The following FOXO3 variants were observed in gnomAD, a reference collection of about 807,000 sequenced individuals.
The protein encoded by FOXO3 is forkhead box protein O3.
A neutral mutation model predicts 41.9 loss-of-function variants in FOXO3; 4 were observed. That is an observed-to-expected ratio of 0.10 (90% CI 0.05 to 0.22). The LOEUF is 0.22. Ranked by LOEUF, FOXO3 falls within the 10% of genes least tolerant of loss-of-function variation. The pLI, the probability that FOXO3 is intolerant of heterozygous loss-of-function variation, is 1.00. For missense variants in FOXO3, 534 were observed against 906.8 expected (o/e 0.59, Z 5.28); for synonymous variants, 318 against 389.3 (o/e 0.82, Z 2.16).
chr6:108,588,105 G>T (rs1395617487), intron 1 of FOXO3, among the ~76,000 whole-genome samples: 1 of 152,232 alleles, frequency 6.6e-6, no homozygotes, highest in Non-Finnish European at 1.5e-5. Context: ...TCTAAGTTCT[G>T]TGATAATCTG....
chr6:108,673,421 C>T (rs1655694747), intron 2 of FOXO3, among the ~76,000 whole-genome samples: 2 of 152,236 alleles, frequency 1.3e-5, no homozygotes, highest in Non-Finnish European at 2.9e-5. Flanking sequence ...CCCTGGAGTT[C>T]CTCTCAGTTC....
chr6:108,575,048 G>A (rs1776225048), intron 1 of FOXO3, among the ~76,000 whole-genome samples: 1 of 152,090 alleles, frequency 6.6e-6, no homozygotes, highest in South Asian at 2.1e-4. Context: ...ACTTTTAAAG[G>A]GACAACTCTG....
intron 1 of FOXO3, among the ~76,000 whole-genome samples, chr6:108,578,293 A>C (rs776555972): frequency 1.1e-4 from 16 of 152,012 alleles, no homozygotes; most frequent in Non-Finnish European, 1.6e-4. Flanking sequence ...GTTCAGAACC[A>C]CTCTTTTAAA....
intron 1 of FOXO3, among the ~76,000 whole-genome samples, chr6:108,661,547 A>G (rs1778865501): frequency 6.6e-6 from 1 of 152,140 alleles, no homozygotes; most frequent in Non-Finnish European, 1.5e-5. Context: ...TCTCTCCACC[A>G]TGGACTCTGT....
chr6:108,590,622 C>G (rs1776709244), intron 1 of FOXO3, among the ~76,000 whole-genome samples: 1 of 152,062 alleles, frequency 6.6e-6, no homozygotes, highest in Non-Finnish European at 1.5e-5. Context: ...ATCTGAAACA[C>G]TTCCAGGTAA....
intron 1 of FOXO3, among the ~76,000 whole-genome samples, chr6:108,594,331 T>C (rs1776814647): frequency 6.6e-6 from 1 of 151,934 alleles, no homozygotes; most frequent in Non-Finnish European, 1.5e-5. Flanking sequence ...TTAGGGAGAG[T>C]TGTAGAATAA....
chr6:108,636,945 G>A (rs1400474332), intron 1 of FOXO3, among the ~76,000 whole-genome samples: 8 of 152,094 alleles, frequency 5.3e-5, no homozygotes, highest in African/African-American at 1.9e-4. Flanking sequence ...CCCCTGTTCC[G>A]AATAAGGAGG....
At chr6:108,597,766 AG>A (rs774014848) in intron 1 of FOXO3, among the ~76,000 whole-genome samples, 32 of 152,340 alleles carry the variant, frequency 2.1e-4, no homozygotes, top group Non-Finnish European at 3.7e-4. Context: ...TGAGGTAGCC[AG>A]AGAGCTATTT....
intron 1 of FOXO3, among the ~76,000 whole-genome samples, chr6:108,609,253 C>G (rs776926115): frequency 2.9e-4 from 44 of 152,178 alleles, no homozygotes; most frequent in Non-Finnish European, 4.7e-4. Context: ...TGAATTGTCA[C>G]GTCACTTCCA....
intron 1 of FOXO3, among the ~76,000 whole-genome samples, chr6:108,589,619 G>A (rs531205700): frequency 1.3e-5 from 2 of 152,332 alleles, no homozygotes; most frequent in Admixed American, 1.3e-4. Context: ...CCTAGCCCAG[G>A]GGTGGAACCT....
chr6:108,580,524 G>C (rs993706293), intron 1 of FOXO3, among the ~76,000 whole-genome samples: 3 of 152,182 alleles, frequency 2.0e-5, no homozygotes, highest in African/African-American at 7.2e-5. Flanking sequence ...ACTGAGGTAC[G>C]AAACGGCTAA....
In FOXO3 at chr6:108,680,660, G is replaced by C. The variant is rs1464814993; in HGVS notation, c.*868G>C. The C allele has an allele frequency of 6.7e-6, 1 of 150,116 alleles. No homozygotes were observed. Among genetic ancestry groups the C allele is most frequent in the Non-Finnish European group, 1.5e-5 (1 of 67,718 alleles). The allele number at this position is 150,116 out of a possible 1,614,324, so 9.3% of individuals were successfully genotyped here. A position where few individuals can be genotyped will look rare whatever the true frequency, so the allele number is the denominator to read the frequency against. ...GTGTTGGTCTGCTGGTTAGAAACTAGAATATTGATATTTTCAGGAAAGAAA... is the reference window on the plus strand; with the variant it reads ...GTGTTGGTCTGCTGGTTAGAAACTACAATATTGATATTTTCAGGAAAGAAA... On this transcript the variant is annotated 3_prime_UTR_variant, in exon 3 of 3. Coordinates refer to ENST00000406360, the MANE Select transcript of FOXO3 (RefSeq NM_001455.4).
intron 1 of FOXO3, among the ~76,000 whole-genome samples, chr6:108,595,340 C>G (rs1426469095): frequency 6.6e-6 from 1 of 152,196 alleles, no homozygotes; most frequent in Non-Finnish European, 1.5e-5. Flanking sequence ...TGTGACCTCT[C>G]CCTTCTTCAG....
intron 1 of FOXO3, among the ~76,000 whole-genome samples, chr6:108,633,516 G>A (rs60993310): frequency 0.042 from 6,364 of 152,228 alleles, 393 homozygotes; most frequent in African/African-American, 0.13. Flanking sequence ...TTTCCTGCAT[G>A]AAAAACAGTT....
intron 1 of FOXO3, among the ~76,000 whole-genome samples, chr6:108,658,316 G>A (rs898379237): frequency 1.4e-4 from 21 of 152,154 alleles, no homozygotes; most frequent in African/African-American, 4.8e-4. Context: ...ATTGGGGACT[G>A]TGAGAATGAT....
intron 1 of FOXO3, among the ~76,000 whole-genome samples, chr6:108,641,668 G>A (rs929419727): frequency 2.6e-5 from 4 of 151,932 alleles, no homozygotes; most frequent in Non-Finnish European, 4.4e-5. Context: ...TGGTTTGGTT[G>A]CTCCCATAGC....
Position 108,619,135 on chromosome 6 carries a change from T to C in FOXO3, c.622-44320T>C, listed in dbSNP as rs374756931. Reference sequence around the variant, plus strand: ...TCATAGATGGAATCCATAATAAATATGATGCCAATGCCAAAATCTGCTACT... The same window carrying C: ...TCATAGATGGAATCCATAATAAATACGATGCCAATGCCAAAATCTGCTACT... On this transcript the variant is annotated intron_variant, in intron 1 of 2. Transcript: ENST00000406360. 3.3e-5 allele frequency among the ~76,000 whole-genome samples: 5 copies of C among 152,234 alleles called. No individual in the cohort carries two copies. In the East Asian group the frequency reaches 7.7e-4, roughly 23 times the overall value.
intron 1 of FOXO3, among the ~76,000 whole-genome samples, chr6:108,562,504 T>G (rs554557180): frequency 6.6e-6 from 1 of 152,188 alleles, no homozygotes; most frequent in Non-Finnish European, 1.5e-5. Flanking sequence ...TGAAATGTTC[T>G]GGGGCCTCGA....
rs558164763 is a variant in FOXO3, at chr6:108,629,984, G to A, written c.622-33471G>A. Among the ~76,000 whole-genome samples the A allele has an allele frequency of 5.9e-5, 9 of 152,240 alleles. No homozygotes were observed. In the East Asian group the frequency reaches 1.7e-3, roughly 29 times the overall value. ...TTGGGGACCTTCTTACTACTTCCAG[G>A]TCATCCTCGAAGGTCTTAAAATGTT... On this transcript the variant is annotated intron_variant, in intron 1 of 2. Transcript: ENST00000406360.
Sources: allele counts gnomAD v4.1 joint callset (sites outside exome capture counted in the v4.1 genomes callset), GRCh38; gene constraint gnomAD v4.1.1; transcripts MANE v1.5; gene names NCBI Gene and HGNC (gene_info 2026-07-23, HGNC 2026-07-21).